DOCK11: variants seen among roughly 807,000 people sequenced by gnomAD.
The protein encoded by DOCK11 is dedicator of cytokinesis 11.
A neutral mutation model predicts 169.1 loss-of-function variants in DOCK11; 70 were observed. The observed-to-expected ratio is 0.41, with a 90% CI of 0.34 to 0.51. The LOEUF (loss-of-function observed/expected upper bound fraction) is 0.51. Among genes scored for constraint, DOCK11 ranks in the 20% least tolerant of loss-of-function variants. The pLI is 0.10. For missense variants in DOCK11, 1,166 were observed against 1,538.8 expected (o/e 0.76, Z 4.05); for synonymous variants, 529 against 541.3 (o/e 0.98, Z 0.32).
At chrX:118,637,880 T>C (rs1234992290) in intron 36 of DOCK11, among the ~76,000 whole-genome samples, 200 bp from the exon 37 acceptor site, 1 of 111,925 alleles carries the variant, frequency 8.9e-6, no homozygotes, top group African/African-American at 3.2e-5. Flanking sequence ...AAACATGATG[T>C]AATTGTAGCA....
chrX:118,676,073 G>A, intron 47 of DOCK11, 24 bp downstream of exon 47: 1 of 1,049,630 alleles, frequency 9.5e-7, no homozygotes, highest in Non-Finnish European at 1.3e-6. Context: ...AATCCATAAA[G>A]TTTTCCTTTT....
intron 52 of DOCK11, among the ~76,000 whole-genome samples, chrX:118,684,310 C>T (rs1303292677): frequency 9.5e-5 from 8 of 84,043 alleles, no homozygotes; most frequent in African/African-American, 3.9e-4. Flanking sequence ...CTCACTCTGT[C>T]GCCCAGGCTG....
rs771172843 is a variant in DOCK11, at chrX:118,605,238, T to C, written c.2563T>C (p.Cys855Arg). The C allele has an allele frequency of 3.5e-6, 4 of 1,135,103 alleles. No individual in the cohort carries two copies. The highest frequency in any genetic ancestry group is 4.7e-6 in the Non-Finnish European group (4 of 845,459). 93.5% of individuals were successfully genotyped at this position (1,135,103 alleles called of 1,213,427 possible). ...VPGELIKYLKCLHAMEIQVMI... is the reference protein window; with the variant it reads ...VPGELIKYLKRLHAMEIQVMI... ...ATAACTAATAATGACTTAATTTTAG[T>C]GTTTGCATGCCATGGAGATCCAAGT... The change falls in exon 24 of 53, where the codon TGT (cysteine) becomes CGT (arginine). Residue 855 changes from cysteine (C) to arginine (R), a missense_variant and splice_region_variant. Cys to Arg is a radical substitution (Grantham distance 180, BLOSUM62 -3). Coordinates refer to ENST00000276202, the MANE Select transcript of DOCK11 (RefSeq NM_144658.4).
intron 6 of DOCK11, among the ~76,000 whole-genome samples, chrX:118,556,147 C>T (rs1416119127): frequency 1.9e-5 from 2 of 107,639 alleles, no homozygotes; most frequent in African/African-American, 6.8e-5. Context: ...TGGGTTCAAG[C>T]ACTTCTCCAG....
intron 36 of DOCK11, among the ~76,000 whole-genome samples, chrX:118,636,698 C>T (rs1458822830): frequency 2.7e-5 from 3 of 111,791 alleles, no homozygotes; most frequent in Non-Finnish European, 5.6e-5. Flanking sequence ...TATCATCTGT[C>T]GTGCATCATT....
chrX:118,498,022 C>A (rs2057549259), intron 1 of DOCK11, among the ~76,000 whole-genome samples: 1 of 112,495 alleles, frequency 8.9e-6, no homozygotes, highest in Non-Finnish European at 1.9e-5. Flanking sequence ...GGAGTCTTTT[C>A]TAGGAGACGC....
intron 14 of DOCK11, 92 bp downstream of exon 14, chrX:118,580,271 G>C (rs939637414): frequency 4.3e-6 from 3 of 699,793 alleles, no homozygotes; most frequent in Admixed American, 7.5e-5. Flanking sequence ...CTGTGTTTCT[G>C]GCAGGCCAGT....
chrX:118,685,658 T>G, intron 52 of DOCK11, 30 bp from the exon 53 acceptor site: 2 of 1,195,757 alleles, frequency 1.7e-6, no homozygotes, highest in Non-Finnish European at 2.3e-6. Context: ...TTTTGCTTCA[T>G]GATAATCATG....
intron 46 of DOCK11, among the ~76,000 whole-genome samples, chrX:118,672,881 G>A (rs1301100565): frequency 1.8e-5 from 2 of 112,333 alleles, no homozygotes; most frequent in Non-Finnish European, 3.8e-5. Context: ...TTTCTTCCCA[G>A]ATTCTAGGTC....
intron 23 of DOCK11, among the ~76,000 whole-genome samples, chrX:118,604,173 G>C (rs2014425480): frequency 9.0e-6 from 1 of 111,616 alleles, no homozygotes; most frequent in Admixed American, 9.6e-5. Context: ...GAACAAAATG[G>C]CCCCTGGTTG....
chrX:118,517,750 C>T (rs1476872381), intron 1 of DOCK11, among the ~76,000 whole-genome samples: 1 of 111,828 alleles, frequency 8.9e-6, no homozygotes, highest in African/African-American at 3.2e-5. Flanking sequence ...TTCCCACTTG[C>T]ATTTAATTCC....
At chrX:118,659,387 A>G (rs1199894899) in intron 44 of DOCK11, among the ~76,000 whole-genome samples, 3 of 112,182 alleles carry the variant, frequency 2.7e-5, no homozygotes, top group East Asian at 2.8e-4. Flanking sequence ...ACAGGGCTGC[A>G]TAGGTCTACA....
At chrX:118,667,433 T>G (rs781629414) in intron 45 of DOCK11, among the ~76,000 whole-genome samples, 1 of 109,347 alleles carries the variant, frequency 9.1e-6, no homozygotes, top group South Asian at 4.0e-4. Flanking sequence ...TTTTTTTTTT[T>G]TTTAAGACGT....
At position 118,495,905 on chromosome X, in the gene DOCK11, C is replaced by G. The variant is rs973942651; in HGVS notation, c.-67C>G. 8.5e-6 allele frequency: 6 copies of G among 707,414 alleles called. No homozygotes were observed. The highest frequency in any genetic ancestry group is 1.1e-5 in the Non-Finnish European group (6 of 557,874). The allele number at this position is 707,414 out of a possible 1,213,427, so 58.3% of individuals were successfully genotyped here. ...AGCAGCGGCCGCGGCCGCCGCGGGCCGGGGCAGTGAGTCCACCCGCCCGCC... is the reference window on the plus strand; with the variant it reads ...AGCAGCGGCCGCGGCCGCCGCGGGCGGGGGCAGTGAGTCCACCCGCCCGCC... On this transcript the variant is annotated 5_prime_UTR_variant, in exon 1 of 53. Transcript: ENST00000276202.
chrX:118,616,114 C>A, intron 30 of DOCK11: 2 of 520,725 alleles, frequency 3.8e-6, no homozygotes, highest in Non-Finnish European at 5.3e-6. Flanking sequence ...ATCTCCATTG[C>A]TAGTTTTATT....
intron 52 of DOCK11, among the ~76,000 whole-genome samples, chrX:118,683,567 A>C (rs1165818991): frequency 8.9e-6 from 1 of 111,906 alleles, no homozygotes; most frequent in Non-Finnish European, 1.9e-5. Flanking sequence ...GCATAGAAAA[A>C]GCAGCAAAAA....
At chrX:118,512,038 C>T (rs747924733) in intron 1 of DOCK11, among the ~76,000 whole-genome samples, 7 of 112,228 alleles carry the variant, frequency 6.2e-5, no homozygotes, top group African/African-American at 1.9e-4. Flanking sequence ...CTCAGCCTCC[C>T]GAGTAGCTGG....
intron 1 of DOCK11, among the ~76,000 whole-genome samples, chrX:118,501,981 C>T (rs1263971306): frequency 1.8e-5 from 2 of 111,842 alleles, no homozygotes; most frequent in Non-Finnish European, 3.8e-5. Context: ...CATAGTTCTT[C>T]TGTTGAGGCT....
intron 41 of DOCK11, among the ~76,000 whole-genome samples, chrX:118,651,381 C>G (rs1025715635): frequency 6.3e-5 from 7 of 111,416 alleles, no homozygotes; most frequent in Non-Finnish European, 9.4e-5. Context: ...CTGCAGTGAA[C>G]CAGTGAACCA....
Sources: allele counts gnomAD v4.1 joint callset (sites outside exome capture counted in the v4.1 genomes callset), GRCh38; gene constraint gnomAD v4.1.1; transcripts MANE v1.5; gene names NCBI Gene and HGNC (gene_info 2026-07-23, HGNC 2026-07-21).